Variants in NPHP4 observed in about 807,000 individuals in gnomAD.
The protein encoded by NPHP4 is nephrocystin-4.
A neutral mutation model predicts 155.8 loss-of-function variants in NPHP4; 151 were observed. The observed-to-expected ratio is 0.97, with a 90% CI of 0.85 to 1.11. The LOEUF is 1.11. NPHP4 is among the 50% of genes least tolerant of loss of function. The probability of loss-of-function intolerance (pLI) is 0.00; values close to 1 mark genes in which losing one functional copy is unlikely to be tolerated. For synonymous variants in NPHP4, 845 were observed against 816.8 expected, an observed-to-expected ratio of 1.03 and a Z score of -0.59; for missense variants, 1,956 against 1,925.7, an observed-to-expected ratio of 1.02 and a Z score of -0.29.
chr1:5,868,090 C>G, intron 23 of NPHP4, 194 bp from the exon 24 acceptor site: 1 of 725,344 alleles, frequency 1.4e-6, no homozygotes, highest in Non-Finnish European at 2.5e-6. Context: ...AGGAGGGGAC[C>G]GCTAAGCAAG....
In NPHP4 at chr1:5,867,676, GAGGT is replaced by G. The variant is rs1323098535; in HGVS notation, c.3472+60_3472+63del. 36 of 1,552,188 alleles carry G rather than the reference GAGGT, an allele frequency of 2.3e-5. No homozygotes were observed. Among genetic ancestry groups the G allele is most frequent in the Non-Finnish European group, 3.0e-5 (34 of 1,139,544 alleles). On this transcript the variant is annotated intron_variant, in intron 24 of 29. Transcript: ENST00000378156. This position sits in a 1 kb window ranked among gnomAD's most constrained non-coding sequence, Gnocchi z 4.1. ...CCATGAGGCCATCTGTCACCCTCAA[GAGGT>G]ATCTACTTCCAACAGGTGAGCCTGC...
In NPHP4 at chr1:5,867,010, G is replaced by A. The variant is rs772807182; in HGVS notation, c.3558+20C>T. ...TCACTGGGAAGGATCTGCCTGAGCT[G>A]GGGCCACAACACAACCTACCACATT... On this transcript the variant is annotated intron_variant, in intron 25 of 29. Coordinates refer to ENST00000378156, the MANE Select transcript of NPHP4 (RefSeq NM_015102.5). The surrounding 1 kb of genome is among the most constrained non-coding windows in gnomAD (Gnocchi z 4.1). The A allele has an allele frequency of 6.2e-7, 1 of 1,601,530 alleles. No individual in the cohort carries two copies. Among genetic ancestry groups the A allele is most frequent in the Admixed American group, 1.7e-5 (1 of 59,674 alleles).
intron 26 of NPHP4, chr1:5,865,562 C>G (rs958505565): frequency 8.3e-6 from 3 of 360,288 alleles, no homozygotes; most frequent in Non-Finnish European, 1.5e-5. Flanking sequence ...ACATGTCAAA[C>G]AAATGACAAG....
intron 23 of NPHP4, among the ~76,000 whole-genome samples, chr1:5,869,701 G>T (rs1447678778): frequency 6.6e-6 from 1 of 152,164 alleles, no homozygotes. Flanking sequence ...CTGATGTTTT[G>T]AAATATACAC....
chr1:5,928,133 G>A (rs1646103794), intron 10 of NPHP4, among the ~76,000 whole-genome samples: 1 of 152,132 alleles, frequency 6.6e-6, no homozygotes, highest in Non-Finnish European at 1.5e-5. Flanking sequence ...CACATAACCA[G>A]CACCACACCC....
rs575547842 is a variant in NPHP4, at chr1:5,905,049, G to C, written c.1955+243C>G. Reference sequence around the variant, plus strand: ...CCTTTGGAGCTACACTAAGATCTAAGACCTGGACAACCCACCGTCCACATT... The same window carrying C: ...CCTTTGGAGCTACACTAAGATCTAACACCTGGACAACCCACCGTCCACATT... On this transcript the variant is annotated intron_variant, in intron 15 of 29. Transcript: ENST00000378156. This position sits in a 1 kb window ranked among gnomAD's most constrained non-coding sequence, Gnocchi z 4.0. Among the ~76,000 whole-genome samples the C allele has an allele frequency of 6.6e-5, 10 of 152,278 alleles. No individual in the cohort carries two copies. The highest frequency in any genetic ancestry group is 2.4e-4 in the African/African-American group (10 of 41,554).
rs1253174848 is a variant in NPHP4, at chr1:5,862,852, C to T, written c.*413G>A. ...GTATTTTGTTCAACAATTTAAAAAA[C>T]AGATATAATACCAGCATAAAATATT... On this transcript the variant is annotated 3_prime_UTR_variant, in exon 30 of 30. Coordinates refer to ENST00000378156, the MANE Select transcript of NPHP4 (RefSeq NM_015102.5). 1 of 181,038 alleles carries T rather than the reference C, an allele frequency of 5.5e-6. No homozygotes were observed. Among genetic ancestry groups the T allele is most frequent in the African/African-American group, 2.3e-5 (1 of 42,574 alleles). 11.2% of individuals were successfully genotyped at this position (181,038 alleles called of 1,614,324 possible).
At chr1:5,913,135 G>C (rs1645274004) in intron 11 of NPHP4, among the ~76,000 whole-genome samples, 1 of 132,362 alleles carries the variant, frequency 7.6e-6, no homozygotes. Flanking sequence ...TGGGCAAAAA[G>C]AGTGAGACTC....
chr1:5,949,753 C>A (rs1384428424), intron 7 of NPHP4, among the ~76,000 whole-genome samples: 2 of 152,046 alleles, frequency 1.3e-5, no homozygotes, highest in Non-Finnish European at 2.9e-5. Context: ...CATGCAGGGA[C>A]AAGCATGAGT....
intron 4 of NPHP4, among the ~76,000 whole-genome samples, chr1:5,967,814 C>T (rs1490956418): frequency 2.6e-5 from 4 of 152,054 alleles, no homozygotes; most frequent in South Asian, 2.1e-4. Context: ...GCATCTAGTG[C>T]GTTGCCAGGG....
At chr1:5,964,941 A>ATATATTTTTTTTTTTTTTTT in intron 5 of NPHP4, among the ~76,000 whole-genome samples, 4 of 59,428 alleles carry the variant, frequency 6.7e-5, no homozygotes, top group African/African-American at 2.5e-4. Flanking sequence ...ATATATATAT[A>ATATATTTTTTTTTTTTTTTT]TTTTTTTTTT....
chr1:5,965,377 C>T (rs1369253819), intron 5 of NPHP4, among the ~76,000 whole-genome samples: 1 of 152,174 alleles, frequency 6.6e-6, no homozygotes, highest in African/African-American at 2.4e-5. Context: ...AGCTTCCACA[C>T]AGACGCATGG....
chr1:5,873,423 C>A, intron 22 of NPHP4, 88 bp from the exon 23 acceptor site: 1 of 1,021,680 alleles, frequency 9.8e-7, no homozygotes, highest in Non-Finnish European at 1.5e-6. Context: ...TGCCACCCAG[C>A]TGGGAGCCAC....
Position 5,880,215 on chromosome 1 carries a change from C to T in NPHP4, c.2510G>A (p.Arg837Lys), listed in dbSNP as rs794727229. ...NVGHPCEQKV[R>K]GCSTLPPSRS... The stretch of plus-strand genomic sequence containing the variant: ...GGACGGTGGCAATGTGCTACAACCT[C>T]TCACTTTCTGTTCACACGGGTGACC... The change falls in exon 19 of 30, where the codon AGA becomes AAA. Residue 837 changes from arginine (R) to lysine (K), a missense_variant. Arg to Lys is a conservative substitution (Grantham distance 26). Transcript: ENST00000378156. 1 of 1,613,752 alleles carries T rather than the reference C, an allele frequency of 6.2e-7. No homozygotes were observed. Among genetic ancestry groups the T allele is most frequent in the Admixed American group, 1.7e-5 (1 of 59,998 alleles).
At position 5,864,299 on chromosome 1, in the gene NPHP4, C is replaced by T. The variant is rs572283861; in HGVS notation, c.3996+39G>A. On this transcript the variant is annotated intron_variant, in intron 28 of 29. Coordinates refer to ENST00000378156, the MANE Select transcript of NPHP4 (RefSeq NM_015102.5). ...GGTCCTGCAGTGCCCTGGTATTGAGCCCCCATCCCCTCAGCCTGTGCCTGC... is the reference window on the plus strand; with the variant it reads ...GGTCCTGCAGTGCCCTGGTATTGAGTCCCCATCCCCTCAGCCTGTGCCTGC... The T allele has an allele frequency of 4.5e-6, 7 of 1,543,246 alleles. No homozygotes were observed. The East Asian group carries it at 1.6e-4, about 36-fold the overall frequency.
intron 11 of NPHP4, among the ~76,000 whole-genome samples, chr1:5,927,092 G>A (rs144606747): frequency 2.4e-4 from 37 of 152,362 alleles, no homozygotes; most frequent in African/African-American, 8.7e-4. Context: ...AGCAGAAGCA[G>A]CTAGGCTGAC....
chr1:5,879,860 C>T (rs1373362872), intron 19 of NPHP4, among the ~76,000 whole-genome samples: 2 of 150,524 alleles, frequency 1.3e-5, no homozygotes, highest in Non-Finnish European at 3.0e-5. Flanking sequence ...CACACAGACA[C>T]GCACACACAC....
chr1:5,877,070 G>A, intron 20 of NPHP4, 23 bp downstream of exon 20: 1 of 1,465,980 alleles, frequency 6.8e-7, no homozygotes, highest in Non-Finnish European at 9.2e-7. Flanking sequence ...TCCCAGGACA[G>A]TGACAGCTGA....
chr1:5,923,406 C>T (rs959453122), intron 11 of NPHP4, among the ~76,000 whole-genome samples: 3 of 152,216 alleles, frequency 2.0e-5, no homozygotes, highest in Admixed American at 1.3e-4. Context: ...ACCCTGACCC[C>T]AGCTTACTGT....
Sources: allele counts gnomAD v4.1 joint callset (sites outside exome capture counted in the v4.1 genomes callset), GRCh38; gene constraint gnomAD v4.1.1; non-coding constraint Gnocchi (gnomAD v3.1); transcripts MANE v1.5; gene names NCBI Gene and HGNC (gene_info 2026-07-23, HGNC 2026-07-21).